RFTN2: variants seen among roughly 807,000 people sequenced by gnomAD.
RFTN2 encodes raftlin-2.
RFTN2 carries 34 observed loss-of-function variants against 52.7 expected under a neutral mutation model. The ratio of observed to expected loss-of-function variants is 0.64; its 90% CI spans 0.49 to 0.86. The LOEUF (loss-of-function observed/expected upper bound fraction) is 0.86, where lower values mean the gene tolerates loss of function less well. Ranked by LOEUF, RFTN2 falls within the 40% of genes least tolerant of loss-of-function variation. The pLI, the probability that RFTN2 is intolerant of heterozygous loss-of-function variation, is 0.00. For synonymous variants in RFTN2, 203 were observed against 217.7 expected, an observed-to-expected ratio of 0.93 and a Z score of 0.59; for missense variants, 536 against 600.1, an observed-to-expected ratio of 0.89 and a Z score of 1.12.
intron 3 of RFTN2, 132 bp from the exon 4 acceptor site, chr2:197,634,129 T>C (rs2088517526): frequency 4.2e-6 from 3 of 714,542 alleles, no homozygotes; most frequent in Non-Finnish European, 4.5e-6. Flanking sequence ...CAAGACTCAT[T>C]CATAAACTAA....
At chr2:197,606,591 A>T (rs541242118) in intron 7 of RFTN2, among the ~76,000 whole-genome samples, 2 of 152,026 alleles carry the variant, frequency 1.3e-5, no homozygotes, top group African/African-American at 4.8e-5. Context: ...CTGACAAAGG[A>T]CTAATATCCA....
At chr2:197,577,645 TG>T (rs2087440702) in intron 8 of RFTN2, among the ~76,000 whole-genome samples, 1 of 152,188 alleles carries the variant, frequency 6.6e-6, no homozygotes, top group Non-Finnish European at 1.5e-5. Flanking sequence ...GCCTGGCCAG[TG>T]GCTATCTTTC....
chr2:197,598,838 C>A (rs1257558848), intron 7 of RFTN2, among the ~76,000 whole-genome samples: 1 of 152,146 alleles, frequency 6.6e-6, no homozygotes, highest in Admixed American at 6.5e-5. Flanking sequence ...CAAAGGCATT[C>A]ACTGTTTTCC....
intron 1 of RFTN2, among the ~76,000 whole-genome samples, chr2:197,658,124 C>T (rs1331340096): frequency 6.6e-6 from 1 of 150,888 alleles, no homozygotes; most frequent in Non-Finnish European, 1.5e-5. Flanking sequence ...ATCAGAGCCT[C>T]TATTATGTTT....
chr2:197,654,526 G>A lies in RFTN2; in HGVS notation c.140-7860C>T, dbSNP rs190582043. Among the ~76,000 whole-genome samples the A allele has an allele frequency of 2.4e-3, 371 of 152,316 alleles. 3 individuals are homozygous for A. The highest frequency in any genetic ancestry group is 2.2e-3 in the Non-Finnish European group (152 of 68,034). The stretch of plus-strand genomic sequence containing the variant: ...AAAGGGCATACTCTTCTGTTTAAGT[G>A]ATCCAATGTTTAATTCTGTGTCTGT... On this transcript the variant is annotated intron_variant, in intron 1 of 8. Transcript: ENST00000295049.
At chr2:197,627,703 A>C (rs1470483748) in intron 5 of RFTN2, among the ~76,000 whole-genome samples, 2 of 151,980 alleles carry the variant, frequency 1.3e-5, no homozygotes, top group African/African-American at 2.4e-5. Context: ...GGGCATTTGG[A>C]GGCTGGGGAA....
intron 1 of RFTN2, among the ~76,000 whole-genome samples, chr2:197,658,725 T>C (rs937381107): frequency 6.6e-6 from 1 of 152,214 alleles, no homozygotes; most frequent in African/African-American, 2.4e-5. Flanking sequence ...TCTTTCTCAG[T>C]TCTTTAGGGG....
chr2:197,622,953 A>G (rs1198884336), intron 5 of RFTN2, among the ~76,000 whole-genome samples: 1 of 152,228 alleles, frequency 6.6e-6, no homozygotes, highest in Non-Finnish European at 1.5e-5. Flanking sequence ...ATGCCTTTCA[A>G]AATATTATGC....
At chr2:197,661,233 AT>A (rs112056862) in intron 1 of RFTN2, among the ~76,000 whole-genome samples, 97,661 of 144,538 alleles carry the variant, frequency 0.68, 32,899 homozygotes, top group Middle Eastern at 0.84. Context: ...ATTTAATTTA[AT>A]TTTTTTTTTT....
At chr2:197,657,685 G>A (rs1239845065) in intron 1 of RFTN2, among the ~76,000 whole-genome samples, 2 of 152,126 alleles carry the variant, frequency 1.3e-5, no homozygotes, top group African/African-American at 4.8e-5. Flanking sequence ...GGGGGACTGA[G>A]GTTCACTCTA....
chr2:197,631,118 C>A lies in RFTN2; in HGVS notation c.821G>T (p.Gly274Val). The A allele has an allele frequency of 6.2e-7, 1 of 1,613,128 alleles. No homozygotes were observed. The highest frequency in any genetic ancestry group is 2.2e-5 in the East Asian group (1 of 44,824). ...GILSMKVTRKGSVISTLDADW... is the reference protein window; with the variant it reads ...GILSMKVTRKVSVISTLDADW... ...AGCATCAAGTGTACTAATGACTGAT[C>A]CTTTTCTTGTTACTTTCATTGACAG... Residue 274 changes from glycine to valine, a missense_variant, in exon 5 of 9, where the codon GGA becomes GTA. Transcript: ENST00000295049.
intron 3 of RFTN2, 74 bp from the exon 4 acceptor site, chr2:197,634,071 A>C (rs1156702816): frequency 2.1e-5 from 26 of 1,254,578 alleles, no homozygotes; most frequent in Non-Finnish European, 2.6e-5. Context: ...ATTAACCTTT[A>C]GGCTTATTGA....
intron 7 of RFTN2, among the ~76,000 whole-genome samples, chr2:197,602,052 C>T (rs371286044): frequency 6.6e-6 from 1 of 152,096 alleles, no homozygotes; most frequent in Non-Finnish European, 1.5e-5. Context: ...TATAGTTTGA[C>T]ACTATCTTTT....
In RFTN2 at chr2:197,571,672, T is replaced by TG. The variant is rs1289077574; in HGVS notation, c.*335dup. 2 of 258,530 alleles carry TG rather than the reference T, an allele frequency of 7.7e-6. No homozygotes were observed. The highest frequency in any genetic ancestry group is 1.5e-5 in the Non-Finnish European group (2 of 134,898). The allele number at this position is 258,530 out of a possible 1,614,324, so 16.0% of individuals were successfully genotyped here. On this transcript the variant is annotated 3_prime_UTR_variant, in exon 9 of 9. Coordinates refer to ENST00000295049, the MANE Select transcript of RFTN2 (RefSeq NM_144629.3). ...CTCTCTAATTGGGTAAAATACTGATTGAGATATTCAGTCTCCTTACCAGGA... is the reference window on the plus strand; with the variant it reads ...CTCTCTAATTGGGTAAAATACTGATTGGAGATATTCAGTCTCCTTACCAGGA...
chr2:197,594,215 C>G (rs189616249), intron 8 of RFTN2, among the ~76,000 whole-genome samples: 72 of 151,506 alleles, frequency 4.8e-4, no homozygotes, highest in African/African-American at 1.6e-3. Flanking sequence ...AGGGATTCTC[C>G]ATGTTAGCCA....
intron 3 of RFTN2, among the ~76,000 whole-genome samples, chr2:197,639,462 C>T (rs1409268450): frequency 4.0e-4 from 59 of 149,216 alleles, no homozygotes; most frequent in African/African-American, 1.4e-3. Context: ...TTTCTCTAAA[C>T]TTCCCTTCTC....
chr2:197,641,423 G>C (rs1315189449), intron 3 of RFTN2, among the ~76,000 whole-genome samples: 1 of 152,150 alleles, frequency 6.6e-6, no homozygotes, highest in Non-Finnish European at 1.5e-5. Flanking sequence ...AAGAGGGAGG[G>C]ATAGAGATAT....
intron 5 of RFTN2, among the ~76,000 whole-genome samples, chr2:197,630,713 T>A (rs2088455040): frequency 6.6e-6 from 1 of 152,228 alleles, no homozygotes; most frequent in African/African-American, 2.4e-5. Flanking sequence ...TTTGGACTAT[T>A]ATAGTACATC....
intron 7 of RFTN2, among the ~76,000 whole-genome samples, chr2:197,598,133 A>C (rs116524181): frequency 0.013 from 1,966 of 152,116 alleles, 42 homozygotes; most frequent in African/African-American, 0.046. Context: ...TGGGAAACAT[A>C]CTGAGACTCT....
Sources: gnomAD v4.1 joint callset for allele counts (sites outside exome capture counted in the v4.1 genomes callset) on GRCh38, gnomAD v4.1.1 for gene constraint, MANE v1.5 for transcripts, NCBI Gene and HGNC (gene_info 2026-07-23, HGNC 2026-07-21) for gene names.